The following PPP4R2 variants were observed in gnomAD, a reference collection of about 807,000 sequenced individuals.
The protein encoded by PPP4R2 is serine/threonine-protein phosphatase 4 regulatory subunit 2.
In PPP4R2, 13 loss-of-function variants were observed where a neutral mutation model predicts 47.2. The ratio of observed to expected loss-of-function variants is 0.28; its 90% CI spans 0.18 to 0.44. The LOEUF (loss-of-function observed/expected upper bound fraction) is 0.44. Among genes scored for constraint, PPP4R2 ranks in the 20% least tolerant of loss-of-function variants. The pLI is 1.00. For missense variants in PPP4R2, 421 were observed against 491.2 expected, an observed-to-expected ratio of 0.86 and a Z score of 1.35; for synonymous variants, 151 against 163.3, an observed-to-expected ratio of 0.92 and a Z score of 0.57.
chr3:73,004,897 T>G (rs1701566443), intron 2 of PPP4R2, among the ~76,000 whole-genome samples: 1 of 144,186 alleles, frequency 6.9e-6, no homozygotes, highest in Non-Finnish European at 1.5e-5. Flanking sequence ...GTGTGTGTGT[T>G]TTGAGTCGGA....
intron 2 of PPP4R2, among the ~76,000 whole-genome samples, chr3:73,037,977 C>T (rs1043176505): frequency 9.2e-5 from 14 of 152,158 alleles, no homozygotes; most frequent in Admixed American, 9.2e-4. Context: ...TCAGGACTTG[C>T]TAACTGCTGT....
chr3:73,043,019 A>G (rs557667364), intron 2 of PPP4R2, among the ~76,000 whole-genome samples: 2 of 152,110 alleles, frequency 1.3e-5, no homozygotes, highest in South Asian at 2.1e-4. Context: ...CAAACATGTC[A>G]TGTCAGATGG....
chr3:73,015,481 CTTTTT>C (rs11321511), intron 2 of PPP4R2, among the ~76,000 whole-genome samples: 2,092 of 133,706 alleles, frequency 0.016, 23 homozygotes, highest in Non-Finnish European at 0.023. Flanking sequence ...AGCCTACTGT[CTTTTT>C]TTTTTTTTTT....
At chr3:73,002,634 C>CTTTTCTTTTTT (rs1205542107) in intron 2 of PPP4R2, among the ~76,000 whole-genome samples, 21 of 41,156 alleles carry the variant, frequency 5.1e-4, no homozygotes, top group African/African-American at 1.1e-3. Flanking sequence ...CTTTTCTTTT[C>CTTTTCTTTTTT]TTTTTTTTTT....
At position 73,061,044 on chromosome 3, in the gene PPP4R2, GT is replaced by G; in HGVS notation, c.406del (p.Tyr136IlefsTer12). 1 of 1,544,984 alleles carries G rather than the reference GT, an allele frequency of 6.5e-7. No homozygotes were observed. Among genetic ancestry groups the G allele is most frequent in the Non-Finnish European group, 8.8e-7 (1 of 1,138,498 alleles). ...GCAGAATGTGATGGTTGTTAGCTGT[GT>G]TTATCCTTCTTCAGAGTAAGTATAT... is the stretch of plus-strand genomic sequence containing the variant. ...VEKNVMVVSCVYPSSEKNNSN... is the reference protein window; with the variant it reads ...VEKNVMVVSCXYPSSEKNNSN... On this transcript the variant is annotated frameshift_variant, in exon 5 of 9. Coordinates refer to ENST00000356692, the MANE Select transcript of PPP4R2 (RefSeq NM_174907.4). LOFTEE classifies it high-confidence loss of function.
At chr3:73,054,791 T>C (rs1423516171) in intron 3 of PPP4R2, among the ~76,000 whole-genome samples, 3 of 152,206 alleles carry the variant, frequency 2.0e-5, no homozygotes, top group Non-Finnish European at 4.4e-5. Flanking sequence ...TGCGCACTTA[T>C]TTTTTGAGTG....
chr3:73,030,600 G>A (rs1702148617), intron 2 of PPP4R2, among the ~76,000 whole-genome samples: 1 of 148,248 alleles, frequency 6.7e-6, no homozygotes, highest in African/African-American at 2.5e-5. Flanking sequence ...AGATTTGGTG[G>A]GGATTACGTT....
At chr3:73,016,729 G>GTTTCTTTTT (rs752008242) in intron 2 of PPP4R2, among the ~76,000 whole-genome samples, 9 of 69,878 alleles carry the variant, frequency 1.3e-4, no homozygotes, top group Admixed American at 5.0e-4. Flanking sequence ...TTGGTTCATT[G>GTTTCTTTTT]TTTATTTTTA....
At chr3:73,053,096 TTA>T (rs1457767387) in intron 3 of PPP4R2, among the ~76,000 whole-genome samples, 3 of 152,240 alleles carry the variant, frequency 2.0e-5, no homozygotes, top group African/African-American at 7.2e-5. Flanking sequence ...TTGATTCACT[TTA>T]TTGCTTCCTG....
rs534205955 is a variant in PPP4R2 at position 73,029,608 on chromosome 3, A to G, written c.117-17578A>G. On this transcript the variant is annotated intron_variant, in intron 2 of 8. Coordinates refer to ENST00000356692, the MANE Select transcript of PPP4R2 (RefSeq NM_174907.4). The stretch of plus-strand genomic sequence containing the variant: ...GGAGGAGCAATATGTGGGAAAGATC[A>G]GAAGTTCAGTTTTGGACATGCCAAA... Among the ~76,000 whole-genome samples the G allele has an allele frequency of 3.3e-5, 5 of 152,320 alleles. No homozygotes were observed. In the East Asian group the frequency reaches 9.7e-4, roughly 29 times the overall value.
At position 73,015,888 on chromosome 3, in the gene PPP4R2, T is replaced by G. The variant is rs75815625; in HGVS notation, c.116+17730T>G. 3.5e-3 allele frequency: 1,233 copies of G among 355,952 alleles called. 11 individuals carry two copies. Among genetic ancestry groups the G allele is most frequent in the African/African-American group, 0.023 (1,068 of 45,794 alleles). 22.0% of individuals were successfully genotyped at this position (355,952 alleles called of 1,614,324 possible). A position where few individuals can be genotyped will look rare whatever the true frequency, so the allele number is the denominator to read the frequency against. On this transcript the variant is annotated intron_variant, in intron 2 of 8. Transcript: ENST00000356692. The stretch of plus-strand genomic sequence containing the variant: ...CTCCTGACCTCGTGATCTACCTGCT[T>G]TGGCCTCCCAAAGTGCTGGGATTAC...
chr3:73,004,522 C>A (rs1444871268), intron 2 of PPP4R2, among the ~76,000 whole-genome samples: 9 of 152,140 alleles, frequency 5.9e-5, no homozygotes, highest in African/African-American at 2.2e-4. Context: ...GTGATGCAAT[C>A]TTGGTTCACT....
rs370313879 is a variant in PPP4R2 at position 73,038,764 on chromosome 3, T to G, written c.117-8422T>G. Among the ~76,000 whole-genome samples, 38 of 152,332 alleles carry G rather than the reference T, an allele frequency of 2.5e-4. 1 individual carries two copies. The highest frequency in any genetic ancestry group is 8.9e-4 in the African/African-American group (37 of 41,586). The stretch of plus-strand genomic sequence containing the variant: ...TAGGGAGAGGTGGATGAATAGGTAG[T>G]AATTTGAATCTTTAGGCATTTTTAG... On this transcript the variant is annotated intron_variant, in intron 2 of 8. Coordinates refer to ENST00000356692, the MANE Select transcript of PPP4R2 (RefSeq NM_174907.4).
At position 73,063,975 on chromosome 3, in the gene PPP4R2, G is replaced by A. The variant is rs559159773; in HGVS notation, c.495-28G>A. 19 of 1,554,642 alleles carry A rather than the reference G, an allele frequency of 1.2e-5. No homozygotes were observed. In the African/African-American group the frequency reaches 2.5e-4, roughly 20 times the overall value. On this transcript the variant is annotated intron_variant, in intron 6 of 8. Transcript: ENST00000356692. The stretch of plus-strand genomic sequence containing the variant: ...GAGGGATGACTTTTTATAAAAATAG[G>A]AAATGATGTTCATTTATCTTATTAT...
At chr3:73,006,730 G>T (rs1701617904) in intron 2 of PPP4R2, among the ~76,000 whole-genome samples, 1 of 152,156 alleles carries the variant, frequency 6.6e-6, no homozygotes, top group Non-Finnish European at 1.5e-5. Context: ...TTCGAACTCA[G>T]AGCAGTCTAT....
At chr3:73,061,868 A>T (rs879484647) in intron 5 of PPP4R2, 1 of 478,110 alleles carries the variant, frequency 2.1e-6, no homozygotes, top group Non-Finnish European at 3.8e-6. Context: ...CAGCCCAGTC[A>T]ATTTGTTTTT....
intron 3 of PPP4R2, among the ~76,000 whole-genome samples, chr3:73,047,932 A>G (rs377391383): frequency 2.6e-5 from 4 of 152,226 alleles, no homozygotes; most frequent in South Asian, 2.1e-4. Flanking sequence ...GCTGGAATAC[A>G]GTGGCGTGAT....
chr3:73,004,304 G>C (rs1701549114), intron 2 of PPP4R2, among the ~76,000 whole-genome samples: 1 of 151,848 alleles, frequency 6.6e-6, no homozygotes. Context: ...GCCTCCCTAA[G>C]AGCTGGAATT....
At chr3:73,048,501 AC>A (rs1177188427) in intron 3 of PPP4R2, among the ~76,000 whole-genome samples, 1 of 150,052 alleles carries the variant, frequency 6.7e-6, no homozygotes, top group Admixed American at 6.6e-5. Flanking sequence ...TGATCCGCCC[AC>A]CTCAGCCTCC....
Sources: allele counts gnomAD v4.1 joint callset (sites outside exome capture counted in the v4.1 genomes callset), GRCh38; gene constraint gnomAD v4.1.1; transcripts MANE v1.5; gene names NCBI Gene and HGNC (gene_info 2026-07-23, HGNC 2026-07-21).